The following ANKH variants were observed in gnomAD, a reference collection of about 807,000 sequenced individuals.
ANKH encodes mineralization regulator ANKH.
In ANKH, 15 loss-of-function variants were observed where a neutral mutation model predicts 49.0. The ratio of observed to expected loss-of-function variants is 0.31; its 90% CI spans 0.20 to 0.47. The LOEUF (loss-of-function observed/expected upper bound fraction) is 0.47. Ranked by LOEUF, ANKH falls within the 20% of genes least tolerant of loss-of-function variation. ANKH has a pLI of 1.00. For synonymous variants in ANKH, 273 were observed against 260.0 expected (o/e 1.05, Z -0.48); for missense variants, 429 against 652.0 (o/e 0.66, Z 3.72).
At chr5:14,787,368 GC>G (rs201661977) in intron 1 of ANKH, among the ~76,000 whole-genome samples, 1,762 of 152,096 alleles carry the variant, frequency 0.012, 39 homozygotes, top group African/African-American at 0.041. Context: ...GAAGTAAGTT[GC>G]AAGTCAAGCA....
At chr5:14,735,046 T>C (rs950870595) in intron 8 of ANKH, among the ~76,000 whole-genome samples, 2 of 152,196 alleles carry the variant, frequency 1.3e-5, no homozygotes, top group South Asian at 2.1e-4. Flanking sequence ...CATTATTCAA[T>C]GAATAAAAAG....
At position 14,725,519 on chromosome 5, in the gene ANKH, G is replaced by A. The variant is rs1245257784; in HGVS notation, c.1012-8684C>T. On this transcript the variant is annotated intron_variant, in intron 8 of 11. Coordinates refer to ENST00000284268, the MANE Select transcript of ANKH (RefSeq NM_054027.6). The surrounding 1 kb of genome is among the most constrained non-coding windows in gnomAD (Gnocchi z 4.0). ...CCTCTGGCACTCATCTGCAAACCCC[G>A]AGCCTGCGAGCACTGCAGTTTGCAT... Among the ~76,000 whole-genome samples, 8 of 152,218 alleles carry A rather than the reference G, an allele frequency of 5.3e-5. No individual in the cohort carries two copies. Among genetic ancestry groups the A allele is most frequent in the East Asian group, 1.9e-4 (1 of 5,172 alleles).
In ANKH at chr5:14,706,559, A is replaced by G. The variant is rs1384691737; in HGVS notation, c.*4638T>C. 6.6e-6 allele frequency: 1 copy of G among 152,170 alleles called. No individual in the cohort carries two copies. Among genetic ancestry groups the G allele is most frequent in the Non-Finnish European group, 1.5e-5 (1 of 68,030 alleles). 9.4% of individuals were successfully genotyped at this position (152,170 alleles called of 1,614,324 possible). On this transcript the variant is annotated 3_prime_UTR_variant, in exon 12 of 12. Coordinates refer to ENST00000284268, the MANE Select transcript of ANKH (RefSeq NM_054027.6). ...CTTTTGAGATCAGATAGTATACTAT[A>G]TATTTGTGACTTTTCTGAGTGGAGT...
chr5:14,871,249 G>T, intron 1 of ANKH, 103 bp downstream of exon 1: 1 of 1,003,986 alleles, frequency 1.0e-6, no homozygotes, highest in Non-Finnish European at 1.5e-6. Context: ...AATGTTTCAG[G>T]ATAAAGAGGG....
At position 14,711,255 on chromosome 5, in the gene ANKH, T is replaced by G; in HGVS notation, c.1421A>C (p.Asp474Ala). ...TGTCACCTCCTCTGTCGGAGGCATG[T>G]CTGTCATGGCAGAGTCTTCCCCCTC... ...ATEGEDSAMT[D>A]MPPTEEVTDI... Residue 474 changes from aspartate to alanine, a missense_variant, in exon 12 of 12, where the codon GAC becomes GCC. Physicochemically the swap from Asp to Ala is moderately radical, Grantham distance 126. Around this residue, in one of 2 missense-constraint regions of ANKH, gnomAD observed 51 missense variants for 36.7 expected, o/e 1.39. Coordinates refer to ENST00000284268, the MANE Select transcript of ANKH (RefSeq NM_054027.6). 6.2e-7 allele frequency: 1 copy of G among 1,614,146 alleles called. No homozygotes were observed. Among genetic ancestry groups the G allele is most frequent in the Non-Finnish European group, 8.5e-7 (1 of 1,180,026 alleles).
At chr5:14,779,814 C>G (rs1237248210) in intron 1 of ANKH, among the ~76,000 whole-genome samples, 4 of 152,140 alleles carry the variant, frequency 2.6e-5, no homozygotes, top group Non-Finnish European at 5.9e-5. Context: ...CTACTTCCAC[C>G]AAGCCACACT....
In ANKH at chr5:14,751,282, G is replaced by C. The variant is rs1738707982; in HGVS notation, c.517-43C>G. ...GGGAACAGGTCAGAGGGGAGAAGCG[G>C]GAACCGACTGACAGAAGCACAGGGG... is the stretch of plus-strand genomic sequence containing the variant. On this transcript the variant is annotated intron_variant, in intron 4 of 11. Coordinates refer to ENST00000284268, the MANE Select transcript of ANKH (RefSeq NM_054027.6). The C allele has an allele frequency of 2.5e-6, 4 of 1,599,970 alleles. No individual in the cohort carries two copies. In the East Asian group the frequency reaches 8.9e-5, roughly 36 times the overall value.
intron 1 of ANKH, among the ~76,000 whole-genome samples, chr5:14,815,431 G>A (rs546002582): frequency 6.6e-6 from 1 of 152,280 alleles, no homozygotes; most frequent in African/African-American, 2.4e-5. Context: ...CCACTGCCTT[G>A]AAATTGTTCA....
At chr5:14,858,849 A>T (rs1298921447) in intron 1 of ANKH, among the ~76,000 whole-genome samples, 1 of 151,784 alleles carries the variant, frequency 6.6e-6, no homozygotes, top group Non-Finnish European at 1.5e-5. Context: ...CTTGCATAAG[A>T]TATTCTTATT....
Position 14,709,886 on chromosome 5 carries a change from A to G in ANKH, c.*1311T>C, listed in dbSNP as rs1359966046. The G allele has an allele frequency of 6.6e-6, 1 of 152,642 alleles. No homozygotes were observed. The highest frequency in any genetic ancestry group is 2.4e-5 in the African/African-American group (1 of 41,450). The allele number at this position is 152,642 out of a possible 1,614,324, so 9.5% of individuals were successfully genotyped here. A position where few individuals can be genotyped will look rare whatever the true frequency, so the allele number is the denominator to read the frequency against. On this transcript the variant is annotated 3_prime_UTR_variant, in exon 12 of 12. Coordinates refer to ENST00000284268, the MANE Select transcript of ANKH (RefSeq NM_054027.6). Reference sequence around the variant, plus strand: ...ATTATAGCCTAAAATAAATTACATAACATATACAGCATATATTTATATCTT... The same window carrying G: ...ATTATAGCCTAAAATAAATTACATAGCATATACAGCATATATTTATATCTT...
chr5:14,833,864 C>A (rs1051029737), intron 1 of ANKH, among the ~76,000 whole-genome samples: 1 of 152,170 alleles, frequency 6.6e-6, no homozygotes, highest in Non-Finnish European at 1.5e-5. Context: ...TGCAGTCCTC[C>A]AACAGCAATC....
chr5:14,724,931 A>C (rs1202475798), intron 8 of ANKH, among the ~76,000 whole-genome samples: 1 of 152,256 alleles, frequency 6.6e-6, no homozygotes, highest in Non-Finnish European at 1.5e-5. Flanking sequence ...AACCAGAATT[A>C]GCAGTACATG....
chr5:14,728,760 C>T (rs541030994), intron 8 of ANKH, among the ~76,000 whole-genome samples: 237 of 152,316 alleles, frequency 1.6e-3, no homozygotes, highest in African/African-American at 5.2e-3. Context: ...AAAGTCCTGT[C>T]GGATGGCAAG....
intron 8 of ANKH, among the ~76,000 whole-genome samples, chr5:14,730,685 G>A (rs1300865570): frequency 6.6e-6 from 1 of 152,228 alleles, no homozygotes; most frequent in Non-Finnish European, 1.5e-5. Flanking sequence ...GGGCCGACGT[G>A]TATGTGGATG....
intron 2 of ANKH, among the ~76,000 whole-genome samples, chr5:14,764,137 CCCTT>C (rs1364331439): frequency 6.6e-6 from 1 of 150,856 alleles, no homozygotes; most frequent in Non-Finnish European, 1.5e-5. Flanking sequence ...GCAAAAATAT[CCCTT>C]GAGTCTTCCC....
rs1480840275 is a variant in ANKH, at chr5:14,713,071, G to A, written c.1266-98C>T. On this transcript the variant is annotated intron_variant, in intron 10 of 11. Transcript: ENST00000284268. The surrounding 1 kb of genome is among the most constrained non-coding windows in gnomAD (Gnocchi z 4.4). ...AGGAAAGTAAGTGTAGCCTCGAGAC[G>A]GCTGAGACCAGCGGCGTTCTCCATC... 1.8e-5 allele frequency: 21 copies of A among 1,186,670 alleles called. No individual in the cohort carries two copies. Among genetic ancestry groups the A allele is most frequent in the Admixed American group, 1.4e-4 (7 of 50,596 alleles). The allele number at this position is 1,186,670 out of a possible 1,614,324, so 73.5% of individuals were successfully genotyped here.
At position 14,707,253 on chromosome 5, in the gene ANKH, A is replaced by T. The variant is rs985698481; in HGVS notation, c.*3944T>A. Reference sequence around the variant, plus strand: ...AATTACAACACTATAAATACTTGCTATTTTGTGGAACACACGCACACTCGC... The same window carrying T: ...AATTACAACACTATAAATACTTGCTTTTTTGTGGAACACACGCACACTCGC... On this transcript the variant is annotated 3_prime_UTR_variant, in exon 12 of 12. Coordinates refer to ENST00000284268, the MANE Select transcript of ANKH (RefSeq NM_054027.6). The T allele has an allele frequency of 6.8e-6, 1 of 147,514 alleles. No individual in the cohort carries two copies. Among genetic ancestry groups the T allele is most frequent in the Admixed American group, 6.8e-5 (1 of 14,662 alleles). 9.1% of individuals were successfully genotyped at this position (147,514 alleles called of 1,614,324 possible). A position where few individuals can be genotyped will look rare whatever the true frequency, so the allele number is the denominator to read the frequency against.
In ANKH at chr5:14,708,876, C is replaced by G. The variant is rs965275141; in HGVS notation, c.*2321G>C. 1 of 150,968 alleles carries G rather than the reference C, an allele frequency of 6.6e-6. No homozygotes were observed. Among genetic ancestry groups the G allele is most frequent in the Non-Finnish European group, 1.5e-5 (1 of 67,958 alleles). The allele number at this position is 150,968 out of a possible 1,614,324, so 9.4% of individuals were successfully genotyped here. Reference sequence around the variant, plus strand: ...ATGAGGAGGCCCTTGCTGATCCTTCCTGGATTTAGAGGGAAAGGATTTTTT... The same window carrying G: ...ATGAGGAGGCCCTTGCTGATCCTTCGTGGATTTAGAGGGAAAGGATTTTTT... On this transcript the variant is annotated 3_prime_UTR_variant, in exon 12 of 12. Coordinates refer to ENST00000284268, the MANE Select transcript of ANKH (RefSeq NM_054027.6).
intron 1 of ANKH, among the ~76,000 whole-genome samples, chr5:14,787,491 A>C (rs1290677541): frequency 6.6e-6 from 1 of 152,204 alleles, no homozygotes; most frequent in African/African-American, 2.4e-5. Context: ...CAAGCTGTTC[A>C]TCCTGGTTAT....
Sources: gnomAD v4.1 joint callset for allele counts (sites outside exome capture counted in the v4.1 genomes callset) on GRCh38, gnomAD v4.1.1 for gene constraint, gnomAD v4.1.1 regional missense constraint, Gnocchi (gnomAD v3.1) non-coding constraint, MANE v1.5 for transcripts, NCBI Gene and HGNC (gene_info 2026-07-23, HGNC 2026-07-21) for gene names.